The following SGCA variants were observed in gnomAD, a reference collection of about 807,000 sequenced individuals.
SGCA encodes sarcoglycan alpha, also known as alpha-sarcoglycan.
In SGCA, 34 loss-of-function variants were observed where a neutral mutation model predicts 38.1. That is an observed-to-expected ratio of 0.89 (90% CI 0.68 to 1.19). The LOEUF (loss-of-function observed/expected upper bound fraction) is 1.19. Ranked by LOEUF, SGCA falls within the 50% of genes most tolerant of loss-of-function variation. The pLI is 0.00. For synonymous variants in SGCA, 209 were observed against 214.6 expected, an observed-to-expected ratio of 0.97 and a Z score of 0.23; for missense variants, 476 against 524.9, an observed-to-expected ratio of 0.91 and a Z score of 0.91.
chr17:50,167,350 C>T lies in SGCA; in HGVS notation c.38-18C>T, dbSNP rs780478384. On this transcript the variant is annotated intron_variant, in intron 1 of 9. Transcript: ENST00000262018. This position sits in a 1 kb window ranked among gnomAD's most constrained non-coding sequence, Gnocchi z 4.5. ...CTGAGGCTGGCCTGTGTGTTTGGGA[C>T]TTGTGGGGTCCCCACAGTTCTCCTG... The T allele has an allele frequency of 3.7e-6, 6 of 1,614,030 alleles. No homozygotes were observed.
chr17:50,169,802 G>A (rs762731010), intron 6 of SGCA: 12 of 435,864 alleles, frequency 2.8e-5, no homozygotes, highest in Non-Finnish European at 5.1e-5. Context: ...CACAGCCAGC[G>A]ACTGGTAATT....
Position 50,167,585 on chromosome 17 carries a change from TCC to T in SGCA, c.163_164del (p.Pro55ThrfsTer49), listed in dbSNP as rs759624003. On this transcript the variant is annotated frameshift_variant, in exon 3 of 10. Transcript: ENST00000262018. LOFTEE classifies it high-confidence loss of function. This position sits in a 1 kb window ranked among gnomAD's most constrained non-coding sequence, Gnocchi z 4.5. Reference sequence around the variant, plus strand: ...CCCCTCTCCTCGCTTCCACCAGCTGTCCCACCCGCTGTCCACATCACCTACCA... The same window carrying T: ...CCCCTCTCCTCGCTTCCACCAGCTGTCACCCGCTGTCCACATCACCTACCA... 3 of 1,613,390 alleles carry T rather than the reference TCC, an allele frequency of 1.9e-6. No homozygotes were observed. The South Asian group carries it at 3.3e-5, about 18-fold the overall frequency.
chr17:50,171,776 C>T (rs745545693), intron 8 of SGCA: 65 of 456,778 alleles, frequency 1.4e-4, no homozygotes, highest in Non-Finnish European at 2.0e-4. Flanking sequence ...ATAGGCATTT[C>T]GGGCCATGTC....
chr17:50,174,926 G>A (rs1186292219), intron 8 of SGCA, among the ~76,000 whole-genome samples: 1 of 151,962 alleles, frequency 6.6e-6, no homozygotes, highest in African/African-American at 2.4e-5. Context: ...CTGAGTAGCT[G>A]GGATTACAGG....
intron 6 of SGCA, chr17:50,169,546 C>T (rs1905210771): frequency 6.2e-6 from 3 of 484,468 alleles, no homozygotes; most frequent in Non-Finnish European, 3.7e-6. Flanking sequence ...AGGTCAACAG[C>T]TATATCACAG....
At chr17:50,166,732 C>T (rs66503819) in intron 1 of SGCA, among the ~76,000 whole-genome samples, 16,422 of 116,960 alleles carry the variant, frequency 0.14, 1,118 homozygotes, top group Admixed American at 0.18. Context: ...CACCCTCACA[C>T]ACACCCTCAC....
At chr17:50,172,117 G>A in intron 8 of SGCA, 2 of 456,340 alleles carry the variant, frequency 4.4e-6, no homozygotes, top group Non-Finnish European at 8.8e-6. Flanking sequence ...GATGGCTGAG[G>A]TGTGTCCCGG....
At chr17:50,175,161 G>T (rs2144511536) in intron 8 of SGCA, 96 bp from the exon 9 acceptor site, 1 of 1,095,680 alleles carries the variant, frequency 9.1e-7, no homozygotes, top group Non-Finnish European at 1.3e-6. Context: ...CCACATAAGT[G>T]GTGGGGAGGA....
At chr17:50,172,967 T>G (rs1166692328) in intron 8 of SGCA, among the ~76,000 whole-genome samples, 1 of 152,228 alleles carries the variant, frequency 6.6e-6, no homozygotes, top group Non-Finnish European at 1.5e-5. Context: ...ATTCCTCAAT[T>G]TTTTTGGACT....
chr17:50,167,771 G>A lies in SGCA; in HGVS notation c.312+35G>A, dbSNP rs374973969. The A allele has an allele frequency of 2.3e-5, 36 of 1,598,516 alleles. No individual in the cohort carries two copies. In the African/African-American group the frequency reaches 4.3e-4, roughly 19 times the overall value. ...GGGACCCTGAGAAAATCACAGGGGT[G>A]GGCCAGAGTGGCCTCCTAGGAGCAG... On this transcript the variant is annotated intron_variant, in intron 3 of 9. Transcript: ENST00000262018. The surrounding 1 kb of genome is among the most constrained non-coding windows in gnomAD (Gnocchi z 4.5).
At chr17:50,171,345 T>C (rs1905373221) in intron 8 of SGCA, 1 of 360,824 alleles carries the variant, frequency 2.8e-6, no homozygotes, top group Admixed American at 3.7e-5. Flanking sequence ...TGGTTTCCCC[T>C]ACTCATGGCC....
At chr17:50,173,848 T>C (rs1905692788) in intron 8 of SGCA, among the ~76,000 whole-genome samples, 2 of 152,200 alleles carry the variant, frequency 1.3e-5, no homozygotes, top group African/African-American at 4.8e-5. Flanking sequence ...GCATGGCCCA[T>C]TCAGCGTGAA....
At position 50,175,270 on chromosome 17, in the gene SGCA, C is replaced by T; in HGVS notation, c.997C>T (p.His333Tyr). The T allele has an allele frequency of 6.2e-7, 1 of 1,605,328 alleles. No individual in the cohort carries two copies. Among genetic ancestry groups the T allele is most frequent in the Non-Finnish European group, 8.5e-7 (1 of 1,176,708 alleles). Reference protein sequence around the residue: ...DLATSDIQMVHHCTIHGNTEE... With the variant: ...DLATSDIQMVYHCTIHGNTEE... The stretch of plus-strand genomic sequence containing the variant: ...CTGTGCCTCCAGCATCCAGATGGTC[C>T]ACCACTGCACCATCCACGGGAACAC... Residue 333 changes from histidine (H) to tyrosine (Y), a missense_variant, in exon 9 of 10, where the codon CAC becomes TAC. His to Tyr is a moderately conservative substitution (Grantham distance 83). Transcript: ENST00000262018.
chr17:50,168,831 T>C (rs1905144862), intron 5 of SGCA, among the ~76,000 whole-genome samples: 1 of 151,974 alleles, frequency 6.6e-6, no homozygotes, highest in Non-Finnish European at 1.5e-5. Flanking sequence ...AAGACATTCC[T>C]TAGTAGGGAG....
rs772581198 is a variant in SGCA at position 50,167,365 on chromosome 17, C to G, written c.38-3C>G. On this transcript the variant is annotated splice_polypyrimidine_tract_variant and splice_region_variant and intron_variant, in intron 1 of 9. Transcript: ENST00000262018. The surrounding 1 kb of genome is among the most constrained non-coding windows in gnomAD (Gnocchi z 4.5). ...GTGTTTGGGACTTGTGGGGTCCCCACAGTTCTCCTGGCAGGGCTGGGGGAC... is the reference window on the plus strand; with the variant it reads ...GTGTTTGGGACTTGTGGGGTCCCCAGAGTTCTCCTGGCAGGGCTGGGGGAC... The G allele has an allele frequency of 1.2e-6, 2 of 1,613,984 alleles. No homozygotes were observed. The highest frequency in any genetic ancestry group is 1.7e-5 in the Admixed American group (1 of 60,012).
Position 50,172,104 on chromosome 17 carries a change from C to T in SGCA, c.983+1438C>T, listed in dbSNP as rs564439132. On this transcript the variant is annotated intron_variant, in intron 8 of 9. Transcript: ENST00000262018. Reference sequence around the variant, plus strand: ...GAAGTCTCCACTGGGCTGCCCCTCACAGGATGGCTGAGGTGTGTCCCGGTT... The same window carrying T: ...GAAGTCTCCACTGGGCTGCCCCTCATAGGATGGCTGAGGTGTGTCCCGGTT... 21 of 455,060 alleles carry T rather than the reference C, an allele frequency of 4.6e-5. No homozygotes were observed. In the East Asian group the frequency reaches 1.3e-3, roughly 27 times the overall value. The allele number at this position is 455,060 out of a possible 1,614,324, so 28.2% of individuals were successfully genotyped here.
At chr17:50,175,654 G>A in intron 9 of SGCA, 58 bp from the exon 10 acceptor site, 1 of 689,010 alleles carries the variant, frequency 1.5e-6, no homozygotes. Flanking sequence ...TGTCAGGGTG[G>A]GGAAGTCAGG....
rs556111440 is a variant in SGCA, at chr17:50,168,554, T to C, written c.566T>C (p.Ile189Thr). 6.4e-7 allele frequency: 1 copy of C among 1,569,932 alleles called. No individual in the cohort carries two copies. The highest frequency in any genetic ancestry group is 1.2e-5 in the South Asian group (1 of 85,454). ...CGTGGGGGCCGTGTCCCCCTTCCCA[T>C]TGAGGGCCGAAAAGAAGGGTAGGTG... Reference protein sequence around the residue: ...LDRGGRVPLPIEGRKEGVYIK... With the variant: ...LDRGGRVPLPTEGRKEGVYIK... The change falls in exon 5 of 10, where the codon ATT (isoleucine) becomes ACT (threonine). Residue 189 changes from isoleucine to threonine, a missense_variant. Physicochemically the swap from Ile to Thr is moderately conservative, Grantham distance 89. Coordinates refer to ENST00000262018, the MANE Select transcript of SGCA (RefSeq NM_000023.4).
Position 50,168,429 on chromosome 17 carries a change from G to C in SGCA, c.441G>C (p.Glu147Asp). ...TGGTGCGCAGCCACGATGCGGAGGA[G>C]GTGCTGCCCTCAACACCTGCCAGCC... ...EFLVRSHDAE[E>D]VLPSTPASRF... The change falls in exon 5 of 10, where the codon GAG becomes GAC. Residue 147 changes from glutamate to aspartate, a missense_variant. Transcript: ENST00000262018. 1.1e-5 allele frequency: 18 copies of C among 1,591,770 alleles called. No individual in the cohort carries two copies. Among genetic ancestry groups the C allele is most frequent in the African/African-American group, 4.0e-5 (3 of 74,782 alleles).
Sources: allele counts gnomAD v4.1 joint callset (sites outside exome capture counted in the v4.1 genomes callset), GRCh38; gene constraint gnomAD v4.1.1; non-coding constraint Gnocchi (gnomAD v3.1); transcripts MANE v1.5; gene names NCBI Gene and HGNC (gene_info 2026-07-23, HGNC 2026-07-21).